BMPR2: variants seen among roughly 807,000 people sequenced by gnomAD.
The protein encoded by BMPR2 is bone morphogenetic protein receptor type 2, also known as bone morphogenetic protein receptor type-2.
In BMPR2, 29 loss-of-function variants were observed where a neutral mutation model predicts 100.8. That is an observed-to-expected ratio of 0.29 (90% CI 0.21 to 0.39). The LOEUF (loss-of-function observed/expected upper bound fraction) is 0.39. Ranked by LOEUF, BMPR2 falls within the 10% of genes least tolerant of loss-of-function variation. BMPR2 has a pLI of 1.00. For synonymous variants in BMPR2, 382 were observed against 442.3 expected (o/e 0.86, Z 1.71); for missense variants, 1,011 against 1,274.5 (o/e 0.79, Z 3.15).
chr2:202,443,554 T>C (rs892032817), intron 1 of BMPR2, among the ~76,000 whole-genome samples: 1 of 149,546 alleles, frequency 6.7e-6, no homozygotes, highest in Non-Finnish European at 1.5e-5. Context: ...GTCTCTCTCT[T>C]TCTCTCTTTC....
intron 9 of BMPR2, among the ~76,000 whole-genome samples, chr2:202,540,849 C>T (rs1291489311): frequency 2.0e-5 from 3 of 152,034 alleles, no homozygotes; most frequent in African/African-American, 7.3e-5. Context: ...TCTTGGCGTT[C>T]TTCCTTCTAA....
In BMPR2 at chr2:202,472,055, A is replaced by G. The variant is rs192772386; in HGVS notation, c.418+4366A>G. On this transcript the variant is annotated intron_variant, in intron 3 of 12. Transcript: ENST00000374580. ...TTCTTGTGACTGTTGTGTAAGGTTT[A>G]AATTATTTCCAAATAAAAATTTTAA... Among the ~76,000 whole-genome samples, 536 of 152,294 alleles carry G rather than the reference A, an allele frequency of 3.5e-3. 3 individuals are homozygous for G. Among genetic ancestry groups the G allele is most frequent in the Non-Finnish European group, 6.2e-3 (423 of 68,014 alleles).
intron 3 of BMPR2, among the ~76,000 whole-genome samples, chr2:202,487,190 A>G (rs942254603): frequency 7.9e-5 from 12 of 152,210 alleles, no homozygotes; most frequent in Admixed American, 3.3e-4. Flanking sequence ...ATGAAGCTTT[A>G]TTATGCATAA....
rs575162855 is a variant in BMPR2, at chr2:202,526,982, G to C, written c.968-3812G>C. Among the ~76,000 whole-genome samples the C allele has an allele frequency of 6.6e-5, 10 of 152,168 alleles. 1 individual carries two copies. In the East Asian group the frequency reaches 1.9e-3, roughly 30 times the overall value. ...GGATTCAAGCGATTCTCCTGCCTCA[G>C]CCTCCCAAGTAGCTGGGATTACAGA... On this transcript the variant is annotated intron_variant, in intron 7 of 12. Coordinates refer to ENST00000374580, the MANE Select transcript of BMPR2 (RefSeq NM_001204.7).
intron 1 of BMPR2, among the ~76,000 whole-genome samples, chr2:202,422,507 C>T (rs917048851): frequency 2.0e-5 from 3 of 151,802 alleles, no homozygotes; most frequent in East Asian, 3.9e-4. Context: ...GGGGTTTCAC[C>T]GTGTTAGCCA....
intron 3 of BMPR2, chr2:202,505,365 T>C (rs2105995215): frequency 7.0e-6 from 1 of 143,272 alleles, no homozygotes; most frequent in South Asian, 2.2e-4. Context: ...TTTTTTTTAA[T>C]AAATTTTGGA....
chr2:202,413,139 G>A (rs966121090), intron 1 of BMPR2, among the ~76,000 whole-genome samples: 1 of 152,162 alleles, frequency 6.6e-6, no homozygotes, highest in Non-Finnish European at 1.5e-5. Flanking sequence ...CTGACTTCTT[G>A]TTTCAGGTCT....
intron 1 of BMPR2, among the ~76,000 whole-genome samples, chr2:202,413,597 G>A (rs1385027674): frequency 6.6e-6 from 1 of 151,922 alleles, no homozygotes; most frequent in Non-Finnish European, 1.5e-5. Context: ...TCATTTGTAT[G>A]TGTGTGATAC....
intron 3 of BMPR2, among the ~76,000 whole-genome samples, chr2:202,471,417 A>C (rs1391771878): frequency 6.6e-6 from 1 of 152,198 alleles, no homozygotes; most frequent in African/African-American, 2.4e-5. Flanking sequence ...AAAAGTTAGT[A>C]ATTATAAAAT....
At chr2:202,424,145 G>T (rs185329625) in intron 1 of BMPR2, among the ~76,000 whole-genome samples, 1 of 151,372 alleles carries the variant, frequency 6.6e-6, no homozygotes, top group Non-Finnish European at 1.5e-5. Flanking sequence ...AGGCCGAGGC[G>T]GGCAGATCAC....
intron 1 of BMPR2, among the ~76,000 whole-genome samples, chr2:202,458,559 A>G (rs1692167421): frequency 6.6e-6 from 1 of 152,058 alleles, no homozygotes; most frequent in African/African-American, 2.4e-5. Flanking sequence ...CCTCTGCTGT[A>G]TTCTGTCAAA....
At chr2:202,438,836 TC>T in intron 1 of BMPR2, among the ~76,000 whole-genome samples, 1 of 150,678 alleles carries the variant, frequency 6.6e-6, no homozygotes, top group Non-Finnish European at 1.5e-5. Flanking sequence ...TGTCTTTATT[TC>T]AGTACCACAC....
intron 1 of BMPR2, among the ~76,000 whole-genome samples, chr2:202,457,561 T>TAGAG (rs72489501): frequency 6.9e-4 from 65 of 94,842 alleles, no homozygotes; most frequent in East Asian, 6.7e-3. Flanking sequence ...TATATATATA[T>TAGAG]AGAGAGAGAG....
At chr2:202,549,552 C>T (rs572034680) in intron 10 of BMPR2, among the ~76,000 whole-genome samples, 16 of 152,052 alleles carry the variant, frequency 1.1e-4, no homozygotes, top group Non-Finnish European at 1.6e-4. Flanking sequence ...AGTTCAAGAC[C>T]AGCCTGGCCA....
At chr2:202,547,345 G>T (rs1688393014) in intron 10 of BMPR2, among the ~76,000 whole-genome samples, 1 of 151,982 alleles carries the variant, frequency 6.6e-6, no homozygotes, top group Admixed American at 6.6e-5. Flanking sequence ...TTTTCCAAAT[G>T]TTTATACTCC....
intron 10 of BMPR2, among the ~76,000 whole-genome samples, chr2:202,544,090 C>T (rs529629985): frequency 2.0e-5 from 3 of 151,850 alleles, no homozygotes; most frequent in South Asian, 2.1e-4. Context: ...TGCAGCGAGG[C>T]GAGATCGTGC....
intron 1 of BMPR2, among the ~76,000 whole-genome samples, chr2:202,414,896 T>C (rs1336837568): frequency 2.0e-5 from 3 of 152,016 alleles, no homozygotes; most frequent in Admixed American, 6.6e-5. Context: ...TGCACCACCA[T>C]GCCCGGCTAA....
Position 202,490,955 on chromosome 2 carries a change from CAG to C in BMPR2, c.419-22761_419-22760del, listed in dbSNP as rs775547331. Among the ~76,000 whole-genome samples the C allele has an allele frequency of 8.5e-5, 13 of 152,094 alleles. No individual in the cohort carries two copies. The East Asian group carries it at 2.1e-3, about 25-fold the overall frequency. ...GTTTTTTGTTTTTTGTTTTTGGAGA[CAG>C]AGTCTTCTTCTTGCCCAGGCTGGAG... On this transcript the variant is annotated intron_variant, in intron 3 of 12. Coordinates refer to ENST00000374580, the MANE Select transcript of BMPR2 (RefSeq NM_001204.7).
chr2:202,380,147 T>C (rs1221337948), intron 1 of BMPR2, among the ~76,000 whole-genome samples: 1 of 151,658 alleles, frequency 6.6e-6, no homozygotes, highest in African/African-American at 2.4e-5. Flanking sequence ...ATTACAGGCA[T>C]GAGCCACCAC....
Sources: allele counts gnomAD v4.1 joint callset (sites outside exome capture counted in the v4.1 genomes callset), GRCh38; gene constraint gnomAD v4.1.1; transcripts MANE v1.5; gene names NCBI Gene and HGNC (gene_info 2026-07-23, HGNC 2026-07-21).